The following GPR158 variants were observed in gnomAD, a reference collection of about 807,000 sequenced individuals.
GPR158 encodes the protein metabotropic glycine receptor.
Under a neutral mutation model 78.2 loss-of-function variants are expected in GPR158, and 30 were observed. The ratio of observed to expected loss-of-function variants is 0.38; its 90% confidence interval spans 0.29 to 0.52. GPR158 has a LOEUF of 0.52. GPR158 is among the 20% of genes least tolerant of loss of function. The probability of loss-of-function intolerance (pLI) is 0.83; values close to 1 mark genes in which losing one functional copy is unlikely to be tolerated. For missense variants in GPR158, 1,463 were observed against 1,523.5 expected, an observed-to-expected ratio of 0.96 and a Z score of 0.66; for synonymous variants, 581 against 591.1, an observed-to-expected ratio of 0.98 and a Z score of 0.25.
chr10:25,192,239 C>T (rs1256883868), intron 1 of GPR158, among the ~76,000 whole-genome samples: 2 of 152,138 alleles, frequency 1.3e-5, no homozygotes, highest in African/African-American at 2.4e-5. Flanking sequence ...CCCACTGCCA[C>T]CTTATGAAGA....
At chr10:25,306,338 T>G (rs1330500130) in intron 2 of GPR158, among the ~76,000 whole-genome samples, 1 of 152,178 alleles carries the variant, frequency 6.6e-6, no homozygotes, top group East Asian at 1.9e-4. Flanking sequence ...TTACTAAGTT[T>G]CAACTATAGT....
At chr10:25,201,737 C>T (rs535738430) in intron 1 of GPR158, among the ~76,000 whole-genome samples, 2 of 151,620 alleles carry the variant, frequency 1.3e-5, no homozygotes, top group Admixed American at 6.6e-5. Context: ...TTGAGATGAT[C>T]CTGTTTTTTT....
chr10:25,221,053 G>A lies in GPR158; in HGVS notation c.904G>A (p.Gly302Ser). ...CTTTTTATCCTTTTCTATTTCTAGG[G>A]GTGTCATGAAAGTTGACATAAATCT... ...LQPNLVPEFR[G>S]VMKVDINLQK... The change falls in exon 2 of 11, where the codon GGT becomes AGT. Residue 302 changes from glycine to serine, a missense_variant and splice_region_variant. Gly to Ser is a moderately conservative substitution (Grantham distance 56). Transcript: ENST00000376351. The A allele has an allele frequency of 7.0e-7, 1 of 1,438,626 alleles. No homozygotes were observed. The highest frequency in any genetic ancestry group is 9.7e-7 in the Non-Finnish European group (1 of 1,026,338). 89.1% of individuals were successfully genotyped at this position (1,438,626 alleles called of 1,614,324 possible). A position where few individuals can be genotyped will look rare whatever the true frequency, so the allele number is the denominator to read the frequency against.
chr10:25,317,565 C>T (rs994041276), intron 2 of GPR158, among the ~76,000 whole-genome samples: 10 of 151,512 alleles, frequency 6.6e-5, no homozygotes, highest in Admixed American at 3.3e-4. Flanking sequence ...TTGGGATTTC[C>T]GTTGCAATAT....
intron 7 of GPR158, among the ~76,000 whole-genome samples, chr10:25,582,381 C>G (rs1837214314): frequency 1.3e-5 from 2 of 152,286 alleles, no homozygotes; most frequent in Non-Finnish European, 2.9e-5. Context: ...AAACTGAAAA[C>G]TTAAATGTAT....
rs1020033611 is a variant in GPR158 at position 25,252,572 on chromosome 10, C to T, written c.1008+31415C>T. Among the ~76,000 whole-genome samples, 669 of 150,572 alleles carry T rather than the reference C, an allele frequency of 4.4e-3. 3 individuals are homozygous for T. Among genetic ancestry groups the T allele is most frequent in the African/African-American group, 0.015 (628 of 41,148 alleles). Reference sequence around the variant, plus strand: ...CTGCAGGTCTGTTGGAATACCCTGCCGTGTGAGGTGTCAGTGTGCCCCTGC... The same window carrying T: ...CTGCAGGTCTGTTGGAATACCCTGCTGTGTGAGGTGTCAGTGTGCCCCTGC... On this transcript the variant is annotated intron_variant, in intron 2 of 10. Transcript: ENST00000376351.
intron 6 of GPR158, among the ~76,000 whole-genome samples, chr10:25,555,727 T>A (rs1174308216): frequency 1.3e-5 from 2 of 152,146 alleles, no homozygotes; most frequent in African/African-American, 4.8e-5. Context: ...TTTTCCTTTT[T>A]CTAAGGCTAA....
intron 2 of GPR158, among the ~76,000 whole-genome samples, chr10:25,301,524 T>C (rs1314724543): frequency 6.6e-6 from 1 of 152,182 alleles, no homozygotes; most frequent in Non-Finnish European, 1.5e-5. Context: ...TGGGCACTTA[T>C]TAGCTTTGAA....
intron 2 of GPR158, among the ~76,000 whole-genome samples, chr10:25,325,394 C>A (rs968498997): frequency 6.6e-6 from 1 of 151,690 alleles, no homozygotes; most frequent in Non-Finnish European, 1.5e-5. Context: ...TTTTTAAGAC[C>A]AAGCTGAATA....
chr10:25,542,401 A>T (rs1297235260), intron 5 of GPR158, among the ~76,000 whole-genome samples: 1 of 152,158 alleles, frequency 6.6e-6, no homozygotes, highest in East Asian at 1.9e-4. Context: ...TCTTCTCATC[A>T]TTGTACCTTG....
chr10:25,286,338 T>G (rs1358329795), intron 2 of GPR158, among the ~76,000 whole-genome samples: 1 of 152,166 alleles, frequency 6.6e-6, no homozygotes, highest in Non-Finnish European at 1.5e-5. Context: ...GTTCACTGTT[T>G]CCTTATTTGG....
chr10:25,382,342 C>G (rs941920646), intron 2 of GPR158, among the ~76,000 whole-genome samples: 7 of 152,190 alleles, frequency 4.6e-5, no homozygotes, highest in Non-Finnish European at 1.0e-4. Flanking sequence ...GAACCAGATG[C>G]TGTGTTGCTA....
At chr10:25,432,292 TAATTC>T (rs1564454209) in intron 4 of GPR158, among the ~76,000 whole-genome samples, 1 of 152,172 alleles carries the variant, frequency 6.6e-6, no homozygotes, top group Non-Finnish European at 1.5e-5. Flanking sequence ...ATAAAAATAA[TAATTC>T]TCTCTGTTGG....
chr10:25,223,685 C>A (rs1034154384), intron 2 of GPR158, among the ~76,000 whole-genome samples: 2 of 152,126 alleles, frequency 1.3e-5, no homozygotes, highest in East Asian at 3.8e-4. Context: ...CCCTCTGTTA[C>A]CATCCCAAGG....
At chr10:25,179,652 T>G (rs1429551635) in intron 1 of GPR158, among the ~76,000 whole-genome samples, 1 of 152,154 alleles carries the variant, frequency 6.6e-6, no homozygotes, top group Non-Finnish European at 1.5e-5. Context: ...TCTTAAAATT[T>G]AAGACCCAGC....
At chr10:25,466,937 G>A (rs7919332) in intron 5 of GPR158, among the ~76,000 whole-genome samples, 7,298 of 152,146 alleles carry the variant, frequency 0.048, 390 homozygotes, top group African/African-American at 0.13. Flanking sequence ...GATTAAAAGA[G>A]TCAAACTCTA....
At chr10:25,512,281 CT>C (rs35237141) in intron 5 of GPR158, among the ~76,000 whole-genome samples, 1 of 151,556 alleles carries the variant, frequency 6.6e-6, no homozygotes, top group East Asian at 1.9e-4. Context: ...AGGTATTTTA[CT>C]TTTTTGCAGC....
At chr10:25,353,055 T>A (rs941245372) in intron 2 of GPR158, among the ~76,000 whole-genome samples, 84 of 152,060 alleles carry the variant, frequency 5.5e-4, no homozygotes, top group African/African-American at 2.0e-3. Flanking sequence ...AATATTACAG[T>A]ATTGCCGTGA....
intron 1 of GPR158, among the ~76,000 whole-genome samples, chr10:25,189,838 G>A (rs1044273741): frequency 8.6e-6 from 1 of 115,988 alleles, no homozygotes; most frequent in African/African-American, 3.2e-5. Flanking sequence ...GAAAGCATGT[G>A]TGTGTGTGTG....
Sources: gnomAD v4.1 joint callset for allele counts (sites outside exome capture counted in the v4.1 genomes callset) on GRCh38, gnomAD v4.1.1 for gene constraint, MANE v1.5 for transcripts, NCBI Gene and HGNC (gene_info 2026-07-23, HGNC 2026-07-21) for gene names.